Variants in SAMSN1 observed in about 807,000 individuals in gnomAD.
SAMSN1 encodes the protein SAM domain, SH3 domain and nuclear localization signals 1, also known as SAM domain-containing protein SAMSN-1.
Under a neutral mutation model 42.0 loss-of-function variants are expected in SAMSN1, and 31 were observed. The ratio of observed to expected loss-of-function variants is 0.74; its 90% confidence interval spans 0.55 to 1.00. The LOEUF is 1.00. Ranked by LOEUF, SAMSN1 falls within the 50% of genes least tolerant of loss-of-function variation. The probability of loss-of-function intolerance (pLI) is 0.00; values close to 1 mark genes in which losing one functional copy is unlikely to be tolerated. For missense variants in SAMSN1, 464 were observed against 439.4 expected (o/e 1.06, Z -0.50); for synonymous variants, 178 against 151.9 (o/e 1.17, Z -1.26).
At chr21:14,520,116 G>A (rs1266242191) in intron 2 of SAMSN1, among the ~76,000 whole-genome samples, 1 of 152,156 alleles carries the variant, frequency 6.6e-6, no homozygotes, top group East Asian at 1.9e-4. Context: ...TTCATCGTGA[G>A]TGCTCAACTA....
chr21:14,563,187 G>A (rs78955322), intron 2 of SAMSN1, among the ~76,000 whole-genome samples: 7 of 152,124 alleles, frequency 4.6e-5, no homozygotes, highest in African/African-American at 1.2e-4. Context: ...GACACAACAT[G>A]TCTTTGCATA....
At position 14,536,162 on chromosome 21, in the gene SAMSN1, C is replaced by G. The variant is rs372859086; in HGVS notation, c.57+10043G>C. On this transcript the variant is annotated intron_variant, in intron 1 of 7. Transcript: ENST00000400566. ...ACACTAGAAAGGAGGAGAAATGGAT[C>G]AGTTTGGTAATGATAAATTTGGAAA... Among the ~76,000 whole-genome samples the G allele has an allele frequency of 5.3e-5, 8 of 152,150 alleles. No individual in the cohort carries two copies. In the South Asian group the frequency reaches 1.7e-3, roughly 32 times the overall value.
chr21:14,511,561 T>G (rs1987689496), intron 4 of SAMSN1, among the ~76,000 whole-genome samples: 1 of 152,218 alleles, frequency 6.6e-6, no homozygotes, highest in Admixed American at 6.5e-5. Flanking sequence ...ACTCAGGATA[T>G]TTGAAACATC....
chr21:14,542,975 A>G (rs1227647827), intron 1 of SAMSN1, among the ~76,000 whole-genome samples: 2 of 152,186 alleles, frequency 1.3e-5, no homozygotes, highest in Non-Finnish European at 2.9e-5. Flanking sequence ...AAATTCAAGA[A>G]TAAAGATAAC....
chr21:14,619,829 G>T (rs183994627), intron 2 of SAMSN1, among the ~76,000 whole-genome samples: 1 of 152,106 alleles, frequency 6.6e-6, no homozygotes, highest in African/African-American at 2.4e-5. Context: ...AAGACAAAAG[G>T]TATGATCTGA....
intron 2 of SAMSN1, among the ~76,000 whole-genome samples, chr21:14,520,545 A>G (rs543324769): frequency 3.0e-4 from 45 of 152,146 alleles, no homozygotes; most frequent in Non-Finnish European, 5.3e-4. Flanking sequence ...TTCTTAAAAT[A>G]AGATTTTACT....
chr21:14,574,157 T>C (rs1290324008), intron 2 of SAMSN1, among the ~76,000 whole-genome samples: 1 of 152,140 alleles, frequency 6.6e-6, no homozygotes, highest in East Asian at 1.9e-4. Flanking sequence ...AAAAAGGACA[T>C]TTAGGTCTTT....
intron 1 of SAMSN1, among the ~76,000 whole-genome samples, chr21:14,544,053 A>G (rs1980221810): frequency 6.6e-6 from 1 of 151,910 alleles, no homozygotes; most frequent in South Asian, 2.1e-4. Context: ...ACCTCTGCCA[A>G]TTTTTTTTCT....
At chr21:14,546,159 T>C (rs759316149) in intron 1 of SAMSN1, 46 bp downstream of exon 1, 1 of 1,514,708 alleles carries the variant, frequency 6.6e-7, no homozygotes, top group Non-Finnish European at 9.1e-7. Context: ...GTTTATTTTC[T>C]ATTAAATAGT....
intron 2 of SAMSN1, among the ~76,000 whole-genome samples, chr21:14,629,147 G>C (rs1282176620): frequency 6.6e-6 from 1 of 152,148 alleles, no homozygotes; most frequent in African/African-American, 2.4e-5. Flanking sequence ...CTACAAAAAT[G>C]CAGAGAAATG....
At chr21:14,517,124 T>C (rs760404882) in intron 2 of SAMSN1, 83 bp from the exon 3 acceptor site, 101 of 1,325,924 alleles carry the variant, frequency 7.6e-5, no homozygotes, top group Non-Finnish European at 1.0e-4. Context: ...GAGAACATTC[T>C]GAGTTTGTGG....
In SAMSN1 at chr21:14,651,532, T is replaced by A. The variant is rs138030002; in HGVS notation, c.24+7216A>T. 6.6e-5 allele frequency among the ~76,000 whole-genome samples: 10 copies of A among 152,116 alleles called. No homozygotes were observed. In the East Asian group the frequency reaches 1.7e-3, roughly 26 times the overall value. On this transcript the variant is annotated intron_variant, in intron 1 of 15. Coordinates refer to the SAMSN1 transcript ENST00000647101. ...AAAAAAACTGAGTCTAGAAGGAACA[T>A]ACCTCAACATAATAAAAGCCTTATA...
intron 4 of SAMSN1, chr21:14,612,612 A>G (rs1459568490): frequency 1.8e-6 from 1 of 541,628 alleles, no homozygotes; most frequent in South Asian, 1.5e-5. Flanking sequence ...GAGCTGGAAG[A>G]TGAGCAGCCA....
intron 7 of SAMSN1, chr21:14,592,311 G>T (rs9980599): frequency 0.031 from 4,679 of 152,548 alleles, 239 homozygotes; most frequent in African/African-American, 0.1. Flanking sequence ...GTATCTATTG[G>T]ATTCTTAGCA....
At chr21:14,513,073 C>G (rs1455648429) in intron 3 of SAMSN1, among the ~76,000 whole-genome samples, 8 of 152,168 alleles carry the variant, frequency 5.3e-5, no homozygotes, top group Non-Finnish European at 1.2e-4. Flanking sequence ...TAAAGCAAAG[C>G]TTATCTAAAA....
intron 7 of SAMSN1, among the ~76,000 whole-genome samples, chr21:14,490,831 AAT>A (rs10585436): frequency 0.053 from 8,050 of 152,160 alleles, 340 homozygotes; most frequent in African/African-American, 0.12. Context: ...TGTACCTGGA[AAT>A]AAACCTTTTC....
At position 14,600,423 on chromosome 21, in the gene SAMSN1, C is replaced by T. The variant is rs116034946; in HGVS notation, c.399+1600G>A. On this transcript the variant is annotated intron_variant, in intron 6 of 15. Transcript: ENST00000647101. ...GATAAGACCAGTGCCTACTCCCAAACGACGATTTTTAGATTAGATGGCTCC... is the reference window on the plus strand; with the variant it reads ...GATAAGACCAGTGCCTACTCCCAAATGACGATTTTTAGATTAGATGGCTCC... 2.9e-4 allele frequency among the ~76,000 whole-genome samples: 44 copies of T among 152,224 alleles called. 1 individual carries two copies. The highest frequency in any genetic ancestry group is 8.9e-4 in the African/African-American group (37 of 41,536).
chr21:14,653,520 A>T (rs1983867197), intron 1 of SAMSN1, among the ~76,000 whole-genome samples: 1 of 152,002 alleles, frequency 6.6e-6, no homozygotes, highest in South Asian at 2.1e-4. Flanking sequence ...GCATTCTGGG[A>T]GGAAGCTGGG....
upstream of SAMSN1, among the ~76,000 whole-genome samples, chr21:14,584,422 T>G (rs1981855805): frequency 6.6e-6 from 1 of 152,230 alleles, no homozygotes; most frequent in South Asian, 2.1e-4. Flanking sequence ...GGACAAAATA[T>G]AATTAACATT....
Sources: gnomAD v4.1 joint callset for allele counts (sites outside exome capture counted in the v4.1 genomes callset) on GRCh38, gnomAD v4.1.1 for gene constraint, MANE v1.5 for transcripts, NCBI Gene and HGNC (gene_info 2026-07-23, HGNC 2026-07-21) for gene names.